The following SNX29 variants were observed in gnomAD, a reference collection of about 807,000 sequenced individuals.
The protein encoded by SNX29 is sorting nexin-29.
SNX29 carries 78 observed loss-of-function variants against 102.1 expected under a neutral mutation model. That is an observed-to-expected ratio of 0.76 (90% CI 0.64 to 0.92). SNX29 has a LOEUF of 0.92. Ranked by LOEUF, SNX29 falls within the 40% of genes least tolerant of loss-of-function variation. The pLI, the probability that SNX29 is intolerant of heterozygous loss-of-function variation, is 0.00. For synonymous variants in SNX29, 580 were observed against 414.5 expected (o/e 1.40, Z -4.85); for missense variants, 1,280 against 1,061.7 (o/e 1.21, Z -2.86).
chr16:12,171,193 T>C (rs1286718017), intron 13 of SNX29, among the ~76,000 whole-genome samples: 1 of 152,126 alleles, frequency 6.6e-6, no homozygotes, highest in Non-Finnish European at 1.5e-5. Context: ...ACCTGTATTA[T>C]TCCTGCTGCT....
intron 18 of SNX29, among the ~76,000 whole-genome samples, chr16:12,450,454 T>G (rs985606951): frequency 1.3e-5 from 2 of 152,150 alleles, no homozygotes; most frequent in African/African-American, 4.8e-5. Flanking sequence ...CAGCTCTCTA[T>G]CCCATTAATT....
intron 3 of SNX29, among the ~76,000 whole-genome samples, chr16:12,009,453 GTA>G (rs200405020): frequency 0.012 from 1,604 of 133,778 alleles, 25 homozygotes; most frequent in African/African-American, 0.042. Flanking sequence ...ATGTGTGTGT[GTA>G]TATATGTGTG....
chr16:12,340,979 C>T (rs1398903944), intron 15 of SNX29, among the ~76,000 whole-genome samples: 1 of 152,196 alleles, frequency 6.6e-6, no homozygotes, highest in African/African-American at 2.4e-5. Context: ...CCTACAGTCT[C>T]TTCTAAGCCC....
intron 15 of SNX29, among the ~76,000 whole-genome samples, chr16:12,281,131 C>T: frequency 6.6e-6 from 1 of 152,194 alleles, no homozygotes; most frequent in East Asian, 1.9e-4. Context: ...CCAAGTTGGT[C>T]TCAAACTTGT....
intron 14 of SNX29, among the ~76,000 whole-genome samples, chr16:12,217,205 A>C (rs575507301): frequency 6.6e-6 from 1 of 152,200 alleles, no homozygotes; most frequent in Non-Finnish European, 1.5e-5. Flanking sequence ...TTTTTTGTAG[A>C]GACAGGGTCT....
chr16:12,391,838 C>A (rs182444537), intron 16 of SNX29, among the ~76,000 whole-genome samples: 8 of 152,298 alleles, frequency 5.3e-5, no homozygotes, highest in Non-Finnish European at 7.4e-5. Context: ...TTTCTTTCCA[C>A]CATAGACATG....
At chr16:12,460,884 C>T (rs1402016553) in intron 18 of SNX29, among the ~76,000 whole-genome samples, 1 of 152,088 alleles carries the variant, frequency 6.6e-6, no homozygotes. Flanking sequence ...GTCTCGAACG[C>T]CTGACCTCAG....
chr16:12,570,616 T>A lies in SNX29; in HGVS notation c.*1987T>A, dbSNP rs1263353750. On this transcript the variant is annotated 3_prime_UTR_variant, in exon 21 of 21. Coordinates refer to ENST00000566228, the MANE Select transcript of SNX29 (RefSeq NM_032167.5). ...TACCCTGGAGGTCATCTCCCTGTTC[T>A]CTGTTGGATAAAGGAACCTCCCCCA... is the stretch of plus-strand genomic sequence containing the variant. The A allele has an allele frequency of 4.3e-6, 1 of 232,044 alleles. No individual in the cohort carries two copies. Among genetic ancestry groups the A allele is most frequent in the African/African-American group, 2.2e-5 (1 of 45,264 alleles). The allele number at this position is 232,044 out of a possible 1,614,324, so 14.4% of individuals were successfully genotyped here.
At chr16:12,260,143 A>T (rs1393156959) in intron 14 of SNX29, among the ~76,000 whole-genome samples, 1 of 152,130 alleles carries the variant, frequency 6.6e-6, no homozygotes, top group Non-Finnish European at 1.5e-5. Context: ...TGAGCTTTCA[A>T]CGTGATTTCT....
chr16:12,250,044 G>A (rs2078375930), intron 14 of SNX29, among the ~76,000 whole-genome samples: 1 of 152,190 alleles, frequency 6.6e-6, no homozygotes, highest in African/African-American at 2.4e-5. Flanking sequence ...TCCAGTGCCA[G>A]GGGAGCCCAG....
intron 20 of SNX29, among the ~76,000 whole-genome samples, chr16:12,556,923 G>A (rs1470673884): frequency 8.5e-6 from 1 of 117,912 alleles, no homozygotes; most frequent in Non-Finnish European, 1.8e-5. Context: ...CATGATCTCG[G>A]CTCACTACAG....
chr16:12,171,286 C>A (rs1039919338), intron 13 of SNX29, among the ~76,000 whole-genome samples: 1 of 152,048 alleles, frequency 6.6e-6, no homozygotes, highest in Admixed American at 6.5e-5. Context: ...TGGGGTCTGC[C>A]GTTGCATCCC....
At chr16:12,513,609 C>T (rs990090737) in intron 19 of SNX29, among the ~76,000 whole-genome samples, 1 of 152,186 alleles carries the variant, frequency 6.6e-6, no homozygotes, top group Non-Finnish European at 1.5e-5. Context: ...GCCTCTCAGC[C>T]ACGCCGTTGC....
intron 11 of SNX29, among the ~76,000 whole-genome samples, chr16:12,088,688 G>A (rs1380128290): frequency 6.6e-6 from 1 of 152,210 alleles, no homozygotes; most frequent in Non-Finnish European, 1.5e-5. Flanking sequence ...GCGCACGCCT[G>A]TAATCCCAGC....
chr16:12,192,949 G>A (rs1342063300), intron 13 of SNX29, among the ~76,000 whole-genome samples: 1 of 152,100 alleles, frequency 6.6e-6, no homozygotes, highest in African/African-American at 2.4e-5. Flanking sequence ...TGATCCACCT[G>A]CCTCGGCCTC....
At chr16:12,388,594 C>G (rs749376696) in intron 16 of SNX29, among the ~76,000 whole-genome samples, 2 of 152,236 alleles carry the variant, frequency 1.3e-5, no homozygotes, top group Non-Finnish European at 2.9e-5. Flanking sequence ...CACGCTGTCT[C>G]TCTCACTGTT....
intron 15 of SNX29, among the ~76,000 whole-genome samples, chr16:12,337,103 A>G (rs1412120348): frequency 6.6e-6 from 1 of 152,224 alleles, no homozygotes; most frequent in Non-Finnish European, 1.5e-5. Flanking sequence ...ACTCTTTTAC[A>G]GACAAGGAAC....
rs1258117194 is a variant in SNX29 at position 12,052,450 on chromosome 16, C to G, written c.1124+228C>G. On this transcript the variant is annotated intron_variant, in intron 8 of 20. Coordinates refer to ENST00000566228, the MANE Select transcript of SNX29 (RefSeq NM_032167.5). ...CAGGCTGGTCTCAAACTCCTGACCT[C>G]AAGTGATCTGCCTGCCTTGGCCTCC... 42 of 445,222 alleles carry G rather than the reference C, an allele frequency of 9.4e-5. No homozygotes were observed. The East Asian group carries it at 1.9e-3, about 20-fold the overall frequency. The allele number at this position is 445,222 out of a possible 1,614,324, so 27.6% of individuals were successfully genotyped here. A position where few individuals can be genotyped will look rare whatever the true frequency, so the allele number is the denominator to read the frequency against.
At chr16:12,182,312 A>AT (rs912784983) in intron 13 of SNX29, among the ~76,000 whole-genome samples, 12 of 151,466 alleles carry the variant, frequency 7.9e-5, no homozygotes, top group Non-Finnish European at 1.6e-4. Context: ...TCCCCCTTTG[A>AT]TAATAATCCC....
Sources: allele counts gnomAD v4.1 joint callset (sites outside exome capture counted in the v4.1 genomes callset), GRCh38; gene constraint gnomAD v4.1.1; transcripts MANE v1.5; gene names NCBI Gene and HGNC (gene_info 2026-07-23, HGNC 2026-07-21).